Variants in DPP10 observed in about 807,000 individuals in gnomAD.
DPP10 encodes the protein dipeptidyl peptidase like 10, also known as inactive dipeptidyl peptidase 10.
DPP10 carries 33 observed loss-of-function variants against 120.9 expected under a neutral mutation model. The observed-to-expected ratio is 0.27, with a 90% CI of 0.21 to 0.37. The LOEUF (loss-of-function observed/expected upper bound fraction) is 0.37. Ranked by LOEUF, DPP10 falls within the 10% of genes least tolerant of loss-of-function variation. The pLI, the probability that DPP10 is intolerant of heterozygous loss-of-function variation, is 1.00. For synonymous variants in DPP10, 337 were observed against 326.1 expected, an observed-to-expected ratio of 1.03 and a Z score of -0.36; for missense variants, 816 against 942.8, an observed-to-expected ratio of 0.87 and a Z score of 1.76.
intron 1 of DPP10, among the ~76,000 whole-genome samples, chr2:114,959,781 T>C (rs1698475922): frequency 6.6e-6 from 1 of 152,246 alleles, no homozygotes; most frequent in South Asian, 2.1e-4. Context: ...TGCAGTTGAA[T>C]GCTATTATGG....
chr2:115,375,204 C>G (rs1234533718), intron 3 of DPP10, among the ~76,000 whole-genome samples: 1 of 152,190 alleles, frequency 6.6e-6, no homozygotes, highest in Non-Finnish European at 1.5e-5. Flanking sequence ...GCATCCAGGT[C>G]ACATCTTGAA....
At chr2:114,585,090 A>G (rs1373486294) in intron 1 of DPP10, among the ~76,000 whole-genome samples, 1 of 152,224 alleles carries the variant, frequency 6.6e-6, no homozygotes, top group East Asian at 1.9e-4. Flanking sequence ...GCCGCAGGTT[A>G]GAATTTTATC....
intron 2 of DPP10, among the ~76,000 whole-genome samples, chr2:115,330,894 G>A (rs2062684922): frequency 6.6e-6 from 1 of 152,136 alleles, no homozygotes; most frequent in South Asian, 2.1e-4. Flanking sequence ...GCTTAGGATT[G>A]TCTTGGCAAT....
At chr2:114,983,303 G>A (rs1159165533) in intron 1 of DPP10, among the ~76,000 whole-genome samples, 3 of 152,054 alleles carry the variant, frequency 2.0e-5, no homozygotes, top group Admixed American at 2.0e-4. Context: ...TTATATTTAA[G>A]ACTGTTTTAT....
At chr2:115,172,377 C>A (rs1325294500) in intron 1 of DPP10, among the ~76,000 whole-genome samples, 1 of 150,340 alleles carries the variant, frequency 6.7e-6, no homozygotes, top group Non-Finnish European at 1.5e-5. Flanking sequence ...GAGTGAGAAT[C>A]CGTCTCAAAA....
chr2:114,778,207 T>C (rs1249814035), intron 1 of DPP10, among the ~76,000 whole-genome samples: 1 of 152,116 alleles, frequency 6.6e-6, no homozygotes, highest in Non-Finnish European at 1.5e-5. Flanking sequence ...GGGATGACAC[T>C]TACAGATAGA....
chr2:115,059,826 C>T (rs1416815085), intron 1 of DPP10, among the ~76,000 whole-genome samples: 1 of 149,158 alleles, frequency 6.7e-6, no homozygotes, highest in African/African-American at 2.5e-5. Flanking sequence ...AGACGTTTTC[C>T]CTTACTGATC....
At chr2:115,110,113 A>G (rs1296533851) in intron 1 of DPP10, among the ~76,000 whole-genome samples, 1 of 152,234 alleles carries the variant, frequency 6.6e-6, no homozygotes, top group African/African-American at 2.4e-5. Context: ...AAAGTCAGGA[A>G]GAAAATAATA....
intron 1 of DPP10, among the ~76,000 whole-genome samples, chr2:114,486,531 A>G (rs928728890): frequency 6.6e-6 from 1 of 152,106 alleles, no homozygotes; most frequent in African/African-American, 2.4e-5. Context: ...ATCCCTTTTA[A>G]TTCTTTATTA....
chr2:114,726,135 C>G (rs1702032733), intron 1 of DPP10, among the ~76,000 whole-genome samples: 1 of 151,560 alleles, frequency 6.6e-6, no homozygotes, highest in South Asian at 2.1e-4. Flanking sequence ...ACTCTGGAGG[C>G]TGAGGCAGGA....
chr2:115,574,738 T>C (rs2081546655), intron 5 of DPP10, among the ~76,000 whole-genome samples: 1 of 152,194 alleles, frequency 6.6e-6, no homozygotes, highest in Admixed American at 6.5e-5. Context: ...AATATGCCAG[T>C]GACCAATGAA....
intron 1 of DPP10, among the ~76,000 whole-genome samples, chr2:115,205,969 C>T (rs796500139): frequency 5.3e-5 from 8 of 152,224 alleles, no homozygotes; most frequent in African/African-American, 1.9e-4. Context: ...ATCCCAACTT[C>T]ACCATCACAC....
chr2:115,101,306 G>A (rs570536903), intron 1 of DPP10, among the ~76,000 whole-genome samples: 28 of 152,160 alleles, frequency 1.8e-4, no homozygotes, highest in Middle Eastern at 6.8e-3. Flanking sequence ...GGAAATATCT[G>A]GTTACAAAAT....
chr2:115,234,027 C>A (rs1178012343), intron 1 of DPP10: 1 of 488,738 alleles, frequency 2.0e-6, no homozygotes, highest in Non-Finnish European at 4.0e-6. Flanking sequence ...TTCAAGGTAC[C>A]TTTATCTTGA....
intron 3 of DPP10, among the ~76,000 whole-genome samples, chr2:115,451,596 T>G (rs2104972421): frequency 6.6e-6 from 1 of 151,992 alleles, no homozygotes; most frequent in South Asian, 2.1e-4. Flanking sequence ...TCAAGGGAAG[T>G]CAGCTGAAAA....
chr2:115,651,737 C>T (rs1418479511), intron 5 of DPP10, among the ~76,000 whole-genome samples: 5 of 152,038 alleles, frequency 3.3e-5, no homozygotes, highest in Admixed American at 2.6e-4. Context: ...CACATATTCT[C>T]TAGCTTCCGT....
At chr2:114,531,464 CT>C (rs1473527160) in intron 1 of DPP10, among the ~76,000 whole-genome samples, 1 of 150,156 alleles carries the variant, frequency 6.7e-6, no homozygotes, top group East Asian at 2.0e-4. Context: ...CAAAATAAAT[CT>C]TTTATATATA....
chr2:115,385,280 G>T (rs919285786), intron 3 of DPP10, among the ~76,000 whole-genome samples: 1 of 152,056 alleles, frequency 6.6e-6, no homozygotes, highest in Non-Finnish European at 1.5e-5. Flanking sequence ...CTGAAGAGAG[G>T]CCTCACTGAG....
chr2:114,914,327 A>G (rs187169241), intron 1 of DPP10, among the ~76,000 whole-genome samples: 3 of 152,364 alleles, frequency 2.0e-5, no homozygotes, highest in Admixed American at 6.5e-5. Context: ...CAGATCACGT[A>G]CAAAGGGAAC....
Sources: allele counts gnomAD v4.1 joint callset (sites outside exome capture counted in the v4.1 genomes callset), GRCh38; gene constraint gnomAD v4.1.1; transcripts MANE v1.5; gene names NCBI Gene and HGNC (gene_info 2026-07-23, HGNC 2026-07-21).